RB1CC1: variants seen among roughly 807,000 people sequenced by gnomAD.
RB1CC1 encodes RB1-inducible coiled-coil protein 1.
Under a neutral mutation model 177.5 loss-of-function variants are expected in RB1CC1, and 46 were observed. That is an observed-to-expected ratio of 0.26 (90% CI 0.20 to 0.33). The LOEUF is 0.33. Among genes scored for constraint, RB1CC1 ranks in the 10% least tolerant of loss-of-function variants. RB1CC1 has a pLI of 1.00. For missense variants in RB1CC1, 1,703 were observed against 1,816.3 expected (o/e 0.94, Z 1.13); for synonymous variants, 666 against 613.6 (o/e 1.09, Z -1.26).
At chr8:52,634,432 A>T (rs1352692341) in intron 20 of RB1CC1, among the ~76,000 whole-genome samples, 1 of 152,078 alleles carries the variant, frequency 6.6e-6, no homozygotes, top group Non-Finnish European at 1.5e-5. Flanking sequence ...AGGCTAATGC[A>T]CAAGAATCAC....
chr8:52,673,343 T>C (rs916244691), intron 7 of RB1CC1, among the ~76,000 whole-genome samples: 1 of 152,182 alleles, frequency 6.6e-6, no homozygotes, highest in African/African-American at 2.4e-5. Flanking sequence ...GGAGAAGACC[T>C]TAATCCAAAA....
In RB1CC1 at chr8:52,657,434, C is replaced by G. The variant is rs1851177630; in HGVS notation, c.2395G>C (p.Glu799Gln). The change falls in exon 15 of 24, where the codon GAA (glutamate) becomes CAA (glutamine). Residue 799 changes from glutamate to glutamine, a missense_variant. By Grantham distance (29) the Glu-to-Gln change is conservative (BLOSUM62 2). Transcript: ENST00000025008. Reference sequence around the variant, plus strand: ...TCTTGGGCAACAACTCTACATCTTTCCAACTGGACATTCAGAGAAGTATGA... The same window carrying G: ...TCTTGGGCAACAACTCTACATCTTTGCAACTGGACATTCAGAGAAGTATGA... ...GDHTSLNVQLERCRVVAQDSH... is the reference protein window; with the variant it reads ...GDHTSLNVQLQRCRVVAQDSH... 3.7e-6 allele frequency: 6 copies of G among 1,613,762 alleles called. No homozygotes were observed. In the East Asian group the frequency reaches 1.3e-4, roughly 36 times the overall value.
At position 52,637,809 on chromosome 8, in the gene RB1CC1, T is replaced by TA. The variant is rs547457426; in HGVS notation, c.4338-1741dup. Among the ~76,000 whole-genome samples the TA allele has an allele frequency of 1.6e-3, 241 of 152,194 alleles. 2 individuals are homozygous for TA. Among genetic ancestry groups the TA allele is most frequent in the African/African-American group, 5.5e-3 (230 of 41,536 alleles). On this transcript the variant is annotated intron_variant, in intron 18 of 23. Coordinates refer to ENST00000025008, the MANE Select transcript of RB1CC1 (RefSeq NM_014781.5). ...TCTCAGCCTCCCATGTAGCTGGAAT[T>TA]ACAGGTGCCCACCACCATGCCCAGC...
chr8:52,654,686 G>A (rs183721515), intron 15 of RB1CC1, among the ~76,000 whole-genome samples: 81 of 152,124 alleles, frequency 5.3e-4, no homozygotes, highest in Non-Finnish European at 1.0e-3. Context: ...ATTCTTCTTG[G>A]GCCTACGCTG....
intron 21 of RB1CC1, 130 bp downstream of exon 21, chr8:52,630,340 T>C: frequency 1.8e-6 from 2 of 1,102,770 alleles, no homozygotes; most frequent in Non-Finnish European, 2.5e-6. Flanking sequence ...AAAAAACTTT[T>C]ACTACTACTG....
At chr8:52,679,760 T>C (rs960753715) in intron 5 of RB1CC1, among the ~76,000 whole-genome samples, 5 of 152,230 alleles carry the variant, frequency 3.3e-5, no homozygotes, top group African/African-American at 1.2e-4. Flanking sequence ...TTGGGAGAAC[T>C]GAATCCTCCT....
chr8:52,712,709 T>C (rs1857162618), intron 1 of RB1CC1, among the ~76,000 whole-genome samples: 1 of 152,232 alleles, frequency 6.6e-6, no homozygotes, highest in South Asian at 2.1e-4. Context: ...GTAAGCATTA[T>C]GTGCCTAAAG....
At chr8:52,687,024 T>C in intron 1 of RB1CC1, 57 bp from the exon 2 acceptor site, 4 of 449,580 alleles carry the variant, frequency 8.9e-6, no homozygotes, top group Non-Finnish European at 1.8e-5. Flanking sequence ...AAACAACATA[T>C]GGCTATTGTT....
At chr8:52,648,968 A>G (rs1318761673) in intron 15 of RB1CC1, among the ~76,000 whole-genome samples, 1 of 152,226 alleles carries the variant, frequency 6.6e-6, no homozygotes, top group African/African-American at 2.4e-5. Flanking sequence ...GATGGCTAAC[A>G]AGTGACTAAT....
chr8:52,625,415 A>G (rs1848315863), intron 22 of RB1CC1, among the ~76,000 whole-genome samples: 1 of 152,184 alleles, frequency 6.6e-6, no homozygotes, highest in Admixed American at 6.5e-5. Flanking sequence ...CCTAGTCCTC[A>G]TAAAGCCAAA....
At chr8:52,678,063 G>T (rs897556261) in intron 5 of RB1CC1, among the ~76,000 whole-genome samples, 2 of 152,080 alleles carry the variant, frequency 1.3e-5, no homozygotes, top group African/African-American at 4.8e-5. Context: ...CTGTTTACTA[G>T]GAAAATAAAT....
At chr8:52,698,925 A>G (rs1424270511) in intron 1 of RB1CC1, among the ~76,000 whole-genome samples, 1 of 147,892 alleles carries the variant, frequency 6.8e-6, no homozygotes, top group Non-Finnish European at 1.5e-5. Flanking sequence ...TCCTCACCTC[A>G]GGTGATCTGT....
At chr8:52,671,031 A>T (rs934202664) in intron 7 of RB1CC1, among the ~76,000 whole-genome samples, 6 of 152,184 alleles carry the variant, frequency 3.9e-5, no homozygotes, top group African/African-American at 1.4e-4. Flanking sequence ...TGCAGCAACA[A>T]TTCTAAATTT....
At chr8:52,683,823 A>C in intron 4 of RB1CC1, 64 bp downstream of exon 4, 1 of 1,590,208 alleles carries the variant, frequency 6.3e-7, no homozygotes, top group Non-Finnish European at 8.6e-7. Context: ...ACTTTTGAAC[A>C]CTGAGTTCCC....
chr8:52,667,057 A>G (rs947779007), intron 8 of RB1CC1, among the ~76,000 whole-genome samples: 2 of 152,232 alleles, frequency 1.3e-5, no homozygotes, highest in Admixed American at 6.5e-5. Flanking sequence ...AAAGAATGCC[A>G]CATCTTGGCA....
intron 5 of RB1CC1, among the ~76,000 whole-genome samples, chr8:52,679,060 G>C (rs1169338513): frequency 6.6e-6 from 1 of 152,158 alleles, no homozygotes; most frequent in Non-Finnish European, 1.5e-5. Flanking sequence ...TGAAGAATAT[G>C]AAAACTGATC....
In RB1CC1 at chr8:52,656,871, A is replaced by C; in HGVS notation, c.2958T>G (p.Ser986Arg). The change falls in exon 15 of 24, where the codon AGT becomes AGG. Residue 986 changes from serine (S) to arginine (R), a missense_variant. By Grantham distance (110) the Ser-to-Arg change is moderately radical. Around this residue, in one of 6 missense-constraint regions of RB1CC1, gnomAD observed 1,169 missense variants for 1,184.7 expected, o/e 0.99. Coordinates refer to ENST00000025008, the MANE Select transcript of RB1CC1 (RefSeq NM_014781.5). ...LRAELQSLEQ[S>R]HLKELEDTLQ... is the part of the protein sequence containing the mutation. ...GTGTGTCCTCTAATTCCTTTAGATG[A>C]CTTTGCTCCAAGGACTGAAGTTCTG... is the stretch of plus-strand genomic sequence containing the variant. 1 of 1,613,400 alleles carries C rather than the reference A, an allele frequency of 6.2e-7. No homozygotes were observed. The highest frequency in any genetic ancestry group is 8.5e-7 in the Non-Finnish European group (1 of 1,179,948).
intron 2 of RB1CC1, 121 bp downstream of exon 2, chr8:52,686,732 A>G (rs1262089374): frequency 3.4e-6 from 1 of 291,608 alleles, no homozygotes; most frequent in Admixed American, 4.7e-5. Flanking sequence ...TTTCCACATA[A>G]GCCTTAGAGA....
At chr8:52,708,503 C>T (rs181128586) in intron 1 of RB1CC1, among the ~76,000 whole-genome samples, 1 of 151,478 alleles carries the variant, frequency 6.6e-6, no homozygotes, top group Middle Eastern at 3.2e-3. Flanking sequence ...GGCAACAGAG[C>T]GAGACTCGTC....
Sources: allele counts gnomAD v4.1 joint callset (sites outside exome capture counted in the v4.1 genomes callset), GRCh38; gene constraint gnomAD v4.1.1; regional missense constraint gnomAD v4.1.1; transcripts MANE v1.5; gene names NCBI Gene and HGNC (gene_info 2026-07-23, HGNC 2026-07-21).